The following CDH11 variants were observed in gnomAD, a reference collection of about 807,000 sequenced individuals.
CDH11 encodes cadherin 11, also known as cadherin-11.
Under a neutral mutation model 67.8 loss-of-function variants are expected in CDH11, and 11 were observed. The ratio of observed to expected loss-of-function variants is 0.16; its 90% CI spans 0.10 to 0.27. The LOEUF is 0.27. Among genes scored for constraint, CDH11 ranks in the 10% least tolerant of loss-of-function variants. CDH11 has a pLI of 1.00. For synonymous variants in CDH11, 419 were observed against 400.0 expected (o/e 1.05, Z -0.57); for missense variants, 847 against 1,031.2 (o/e 0.82, Z 2.45).
In CDH11 at chr16:64,971,636, A is replaced by C. The variant is rs1486723892; in HGVS notation, c.1585T>G (p.Phe529Val). Reference sequence around the variant, plus strand: ...TGAATGATTTCAGGGGGTAGGCTGAAGATAAATCTTGGTCCATTGGCCGTG... The same window carrying C: ...TGAATGATTTCAGGGGGTAGGCTGACGATAAATCTTGGTCCATTGGCCGTG... ...DDTANGPRFI[F>V]SLPPEIIHNP... Residue 529 changes from phenylalanine (F) to valine (V), a missense_variant, in exon 11 of 13, where the codon TTC (phenylalanine) becomes GTC (valine). Physicochemically the swap from Phe to Val is conservative, Grantham distance 50. Around this residue, in one of 2 missense-constraint regions of CDH11, gnomAD observed 612 missense variants for 678.7 expected, o/e 0.90. Coordinates refer to ENST00000268603, the MANE Select transcript of CDH11 (RefSeq NM_001797.4). 1.2e-6 allele frequency: 2 copies of C among 1,613,728 alleles called. No individual in the cohort carries two copies. Among genetic ancestry groups the C allele is most frequent in the Non-Finnish European group, 1.7e-6 (2 of 1,179,882 alleles).
chr16:65,119,602 G>A (rs1411768009), intron 1 of CDH11, among the ~76,000 whole-genome samples: 3 of 152,086 alleles, frequency 2.0e-5, no homozygotes, highest in Admixed American at 6.5e-5. Flanking sequence ...TCTGGGGCTC[G>A]CCAGATTATC....
chr16:64,991,665 T>C (rs372021112), intron 6 of CDH11, 103 bp downstream of exon 6: 23 of 736,662 alleles, frequency 3.1e-5, no homozygotes, highest in Admixed American at 2.9e-4. Flanking sequence ...CTTAGTTTTC[T>C]AGATTTTCTT....
chr16:64,960,351 C>T (rs886185095), intron 11 of CDH11, among the ~76,000 whole-genome samples: 3 of 152,114 alleles, frequency 2.0e-5, no homozygotes, highest in African/African-American at 7.2e-5. Context: ...GTTTTCTCAA[C>T]CACTCCTTCA....
At chr16:65,112,642 C>A (rs577590443) in intron 1 of CDH11, among the ~76,000 whole-genome samples, 5 of 152,244 alleles carry the variant, frequency 3.3e-5, no homozygotes, top group East Asian at 1.9e-4. Context: ...TCAAACCCTG[C>A]CAAAGTGTCC....
At chr16:65,077,347 G>A (rs1018665849) in intron 1 of CDH11, among the ~76,000 whole-genome samples, 2 of 152,198 alleles carry the variant, frequency 1.3e-5, no homozygotes, top group Non-Finnish European at 2.9e-5. Context: ...CTGGCATGAG[G>A]TAGAAGCTCC....
Position 64,973,057 on chromosome 16 carries a change from T to G in CDH11, c.1254-17A>C. On this transcript the variant is annotated splice_polypyrimidine_tract_variant and intron_variant, in intron 8 of 12. Coordinates refer to ENST00000268603, the MANE Select transcript of CDH11 (RefSeq NM_001797.4). ...ATGGAATACCTAAGCAGAATGCAAATGAGGCAATTAGACCAAGACATTCAG... is the reference window on the plus strand; with the variant it reads ...ATGGAATACCTAAGCAGAATGCAAAGGAGGCAATTAGACCAAGACATTCAG... The G allele has an allele frequency of 6.2e-7, 1 of 1,612,032 alleles. No individual in the cohort carries two copies. Among genetic ancestry groups the G allele is most frequent in the Non-Finnish European group, 8.5e-7 (1 of 1,178,966 alleles).
intron 1 of CDH11, among the ~76,000 whole-genome samples, chr16:65,064,811 G>C (rs780070194): frequency 2.6e-5 from 4 of 152,152 alleles, no homozygotes; most frequent in African/African-American, 4.8e-5. Flanking sequence ...AGTAGAAGGA[G>C]TCAAAAGAAA....
Position 64,944,362 on chromosome 16 carries a change from A to C in CDH11, c.*3241T>G, listed in dbSNP as rs2142355784. 4.3e-6 allele frequency: 1 copy of C among 232,528 alleles called. No homozygotes were observed. Among genetic ancestry groups the C allele is most frequent in the African/African-American group, 2.2e-5 (1 of 45,388 alleles). The allele number at this position is 232,528 out of a possible 1,614,324, so 14.4% of individuals were successfully genotyped here. Reference sequence around the variant, plus strand: ...AGTCTTTCCTCTTCTCCATCTCCAAATTACTGAATTATTTCAGGCCCTCAT... The same window carrying C: ...AGTCTTTCCTCTTCTCCATCTCCAACTTACTGAATTATTTCAGGCCCTCAT... On this transcript the variant is annotated 3_prime_UTR_variant, in exon 13 of 13. Coordinates refer to ENST00000268603, the MANE Select transcript of CDH11 (RefSeq NM_001797.4).
intron 1 of CDH11, among the ~76,000 whole-genome samples, chr16:65,106,531 TTATTAA>T (rs754392402): frequency 2.0e-5 from 3 of 152,222 alleles, no homozygotes; most frequent in Non-Finnish European, 4.4e-5. Flanking sequence ...ATCTTGTTTC[TTATTAA>T]TATGCATTAG....
chr16:65,027,249 C>T (rs1181765128), intron 2 of CDH11, among the ~76,000 whole-genome samples: 1 of 152,172 alleles, frequency 6.6e-6, no homozygotes, highest in Non-Finnish European at 1.5e-5. Flanking sequence ...TATGAAAGCA[C>T]ATAAACAAAC....
intron 8 of CDH11, among the ~76,000 whole-genome samples, chr16:64,977,684 C>T (rs2072212702): frequency 6.6e-6 from 1 of 152,146 alleles, no homozygotes; most frequent in Non-Finnish European, 1.5e-5. Flanking sequence ...AAAATGAACT[C>T]AAGACAGATC....
At chr16:64,952,959 A>T (rs985825470) in intron 11 of CDH11, among the ~76,000 whole-genome samples, 4 of 152,178 alleles carry the variant, frequency 2.6e-5, no homozygotes, top group African/African-American at 4.8e-5. Context: ...AAATCCAAGG[A>T]TGTTCAAAGT....
Position 65,004,633 on chromosome 16 carries a change from C to T in CDH11, c.228+9G>A, listed in dbSNP as rs1597081114. On this transcript the variant is annotated intron_variant, in intron 3 of 12. Transcript: ENST00000268603. ...TGGAAAGCTCAGGATTGAGGGAAGG[C>T]AGCCTTACCCTGCCCACAAGCACGG... The T allele has an allele frequency of 6.2e-7, 1 of 1,607,902 alleles. No individual in the cohort carries two copies. Among genetic ancestry groups the T allele is most frequent in the Non-Finnish European group, 8.5e-7 (1 of 1,177,488 alleles).
chr16:65,061,231 T>A (rs1441722811), intron 1 of CDH11, among the ~76,000 whole-genome samples: 1 of 152,226 alleles, frequency 6.6e-6, no homozygotes, highest in East Asian at 1.9e-4. Context: ...TTTTTGTTTG[T>A]CCCAGGTCAG....
intron 2 of CDH11, among the ~76,000 whole-genome samples, chr16:65,017,908 C>A (rs1317312946): frequency 6.6e-6 from 1 of 152,092 alleles, no homozygotes; most frequent in Non-Finnish European, 1.5e-5. Flanking sequence ...CTCTGGTCCC[C>A]ATTTTTATTA....
chr16:64,948,114 A>G lies in CDH11; in HGVS notation c.1895-15T>C. ...TACTACAATGACTGGAGGGAAAGAA[A>G]AAGAAGGTAAGCATTCGTTAAGTCC... On this transcript the variant is annotated splice_polypyrimidine_tract_variant and intron_variant, in intron 12 of 12. Coordinates refer to ENST00000268603, the MANE Select transcript of CDH11 (RefSeq NM_001797.4). 1.2e-6 allele frequency: 2 copies of G among 1,604,184 alleles called. No homozygotes were observed. The highest frequency in any genetic ancestry group is 1.7e-6 in the Non-Finnish European group (2 of 1,175,040).
chr16:65,099,346 A>G (rs7188896), intron 1 of CDH11, among the ~76,000 whole-genome samples: 3,153 of 152,298 alleles, frequency 0.021, 122 homozygotes, highest in African/African-American at 0.073. Context: ...CCTATGTGGT[A>G]CATGTTGTTT....
Position 65,036,148 on chromosome 16 carries a change from GA to G in CDH11, c.-173+17655del, listed in dbSNP as rs146702668. 6.3e-3 allele frequency among the ~76,000 whole-genome samples: 953 copies of G among 152,282 alleles called. 10 individuals are homozygous for G. Among genetic ancestry groups the G allele is most frequent in the African/African-American group, 0.021 (886 of 41,546 alleles). On this transcript the variant is annotated intron_variant, in intron 2 of 12. Coordinates refer to ENST00000268603, the MANE Select transcript of CDH11 (RefSeq NM_001797.4). ...ATTATGTTATTGCCATCTTATAGGT[GA>G]AGAAATTGAAGCTCTAAGAGGCTAA... is the stretch of plus-strand genomic sequence containing the variant.
In CDH11 at chr16:65,017,771, AG is replaced by A. The variant is rs200240803; in HGVS notation, c.-172-12731del. 7.5e-3 allele frequency among the ~76,000 whole-genome samples: 1,137 copies of A among 152,268 alleles called. 20 individuals are homozygous for A. Among genetic ancestry groups the A allele is most frequent in the African/African-American group, 0.026 (1,075 of 41,556 alleles). On this transcript the variant is annotated intron_variant, in intron 2 of 12. Transcript: ENST00000268603. Reference sequence around the variant, plus strand: ...ATTCTTCTTGTTTCTTCTGATCAGCAGCCAGAGATCACTAGTTGGTTCACAA... The same window carrying A: ...ATTCTTCTTGTTTCTTCTGATCAGCACCAGAGATCACTAGTTGGTTCACAA...
Sources: allele counts gnomAD v4.1 joint callset (sites outside exome capture counted in the v4.1 genomes callset), GRCh38; gene constraint gnomAD v4.1.1; regional missense constraint gnomAD v4.1.1; transcripts MANE v1.5; gene names NCBI Gene and HGNC (gene_info 2026-07-23, HGNC 2026-07-21).